MED24: variants seen among roughly 807,000 people sequenced by gnomAD.
MED24 encodes the protein mediator of RNA polymerase II transcription subunit 24.
MED24 carries 74 observed loss-of-function variants against 118.8 expected under a neutral mutation model. The observed-to-expected ratio is 0.62, with a 90% CI of 0.52 to 0.76. MED24 has a LOEUF of 0.76. Ranked by LOEUF, MED24 falls within the 30% of genes least tolerant of loss-of-function variation. The pLI is 0.00. For synonymous variants in MED24, 521 were observed against 523.9 expected (o/e 0.99, Z 0.08); for missense variants, 1,041 against 1,278.9 (o/e 0.81, Z 2.84).
At chr17:40,024,156 A>G (rs566626915) in intron 19 of MED24, among the ~76,000 whole-genome samples, 39 of 152,256 alleles carry the variant, frequency 2.6e-4, no homozygotes, top group African/African-American at 9.4e-4. Context: ...GAAAGGAAAA[A>G]AGGAGGAGGC....
At chr17:40,022,281 G>T in intron 22 of MED24, 113 bp downstream of exon 22, 1 of 1,171,530 alleles carries the variant, frequency 8.5e-7, no homozygotes, top group Non-Finnish European at 1.2e-6. Context: ...CCCAGGCACA[G>T]CTGCCCCAAG....
intron 13 of MED24, 84 bp downstream of exon 13, chr17:40,029,664 G>C (rs1983138745): frequency 7.9e-7 from 1 of 1,265,898 alleles, no homozygotes; most frequent in Non-Finnish European, 1.1e-6. Flanking sequence ...GAGGTCTGTG[G>C]CCTCTGTTTA....
chr17:40,029,457 C>T (rs1157024768), intron 13 of MED24, among the ~76,000 whole-genome samples: 1 of 152,166 alleles, frequency 6.6e-6, no homozygotes, highest in African/African-American at 2.4e-5. Flanking sequence ...CTCAGCCTCC[C>T]AAAATGCTGG....
chr17:40,031,994 C>G (rs1216284047), intron 10 of MED24, 49 bp downstream of exon 10: 1 of 1,590,422 alleles, frequency 6.3e-7, no homozygotes. Flanking sequence ...GGACCCTCCC[C>G]TTTGCCCTTA....
At chr17:40,040,588 C>A (rs1415842345) in intron 3 of MED24, among the ~76,000 whole-genome samples, 1 of 151,538 alleles carries the variant, frequency 6.6e-6, no homozygotes. Flanking sequence ...TGCTACTCTT[C>A]ACACATATAA....
Position 40,053,375 on chromosome 17 carries a change from A to T in MED24, c.136T>A (p.Leu46Ile). The change falls in exon 3 of 26, where the codon TTA becomes ATA. Residue 46 changes from leucine to isoleucine, a missense_variant. This residue lies in a region of MED24 where 434 missense variants were observed against 514.9 expected (regional missense o/e 0.84). Coordinates refer to ENST00000394128, the MANE Select transcript of MED24 (RefSeq NM_014815.4). ...TWDILNLADA[L>I]LEQAMIGPSP... Reference sequence around the variant, plus strand: ...GGTCCAATCATGGCCTGCTCTAGTAACGCATCTGCAAGAGGAATAGCAAAA... The same window carrying T: ...GGTCCAATCATGGCCTGCTCTAGTATCGCATCTGCAAGAGGAATAGCAAAA... 6.2e-7 allele frequency: 1 copy of T among 1,613,286 alleles called. No homozygotes were observed. The highest frequency in any genetic ancestry group is 8.5e-7 in the Non-Finnish European group (1 of 1,179,416).
Position 40,031,477 on chromosome 17 carries a change from G to A in MED24, c.1067+61C>T. ...TCCCCTGAGGCTTCTCTGGCACAGA[G>A]ATCAGGGGAAGAGCCCAGAACGCCT... On this transcript the variant is annotated intron_variant, in intron 11 of 25. Transcript: ENST00000394128. 2.7e-6 allele frequency: 4 copies of A among 1,499,644 alleles called. No homozygotes were observed. In the South Asian group the frequency reaches 4.6e-5, roughly 17 times the overall value. The allele number at this position is 1,499,644 out of a possible 1,614,324, so 92.9% of individuals were successfully genotyped here. A position where few individuals can be genotyped will look rare whatever the true frequency, so the allele number is the denominator to read the frequency against.
In MED24 at chr17:40,033,371, G is replaced by A. The variant is rs370550827; in HGVS notation, c.645C>T (p.Ala215=). 3.8e-5 allele frequency: 62 copies of A among 1,612,818 alleles called. No individual in the cohort carries two copies. Among genetic ancestry groups the A allele is most frequent in the South Asian group, 1.2e-4 (11 of 90,848 alleles). The change falls in exon 7 of 26, where the codon GCC becomes GCT. Residue 215 remains alanine (A), a synonymous_variant. Coordinates refer to ENST00000394128, the MANE Select transcript of MED24 (RefSeq NM_014815.4). This position sits in a 1 kb window ranked among gnomAD's most constrained non-coding sequence, Gnocchi z 5.2. ...NLSNPQLRSQ[A]EQCGTLIRSI... is the part of the protein sequence containing the mutation. ...TCCTAATGAGGGTGCCACACTGCTC[G>A]GCCTGACTCCGGAGCTGCGGGTTGC...
chr17:40,043,488 G>A (rs1264393690), intron 3 of MED24, among the ~76,000 whole-genome samples: 2 of 152,132 alleles, frequency 1.3e-5, no homozygotes, highest in Non-Finnish European at 2.9e-5. Context: ...AGAACCGCCT[G>A]TAATTTTTTT....
At chr17:40,044,167 A>G (rs538112091) in intron 3 of MED24, among the ~76,000 whole-genome samples, 164 of 147,628 alleles carry the variant, frequency 1.1e-3, no homozygotes, top group African/African-American at 3.8e-3. Flanking sequence ...AAAAAAAAAT[A>G]GAAAAATAGG....
At chr17:40,042,546 A>G (rs931018446) in intron 3 of MED24, among the ~76,000 whole-genome samples, 2 of 152,100 alleles carry the variant, frequency 1.3e-5, no homozygotes, top group African/African-American at 4.8e-5. Context: ...GGTGGTGGGC[A>G]TCTATAATCC....
In MED24 at chr17:40,053,464, G is replaced by A. The variant is rs2145013505; in HGVS notation, c.130+5C>T. 6.2e-7 allele frequency: 1 copy of A among 1,614,104 alleles called. No homozygotes were observed. The highest frequency in any genetic ancestry group is 8.5e-7 in the Non-Finnish European group (1 of 1,180,002). ...CCCATCTTTCTTTCCCAGTTCACTT[G>A]AGACCTGCCAGGTTGAGAATATCCC... is the stretch of plus-strand genomic sequence containing the variant. On this transcript the variant is annotated splice_donor_5th_base_variant and intron_variant, in intron 2 of 25. Coordinates refer to ENST00000394128, the MANE Select transcript of MED24 (RefSeq NM_014815.4).
intron 3 of MED24, among the ~76,000 whole-genome samples, chr17:40,046,377 G>A (rs1407850245): frequency 2.7e-5 from 4 of 147,634 alleles, no homozygotes; most frequent in Non-Finnish European, 4.4e-5. Flanking sequence ...GATCCACTGC[G>A]CCCAGCCTAA....
chr17:40,027,190 C>T, intron 16 of MED24, 156 bp from the exon 17 acceptor site: 1 of 1,110,980 alleles, frequency 9.0e-7, no homozygotes, highest in East Asian at 2.6e-5. Flanking sequence ...GGGGGCAATG[C>T]TGCCACCTAG....
In MED24 at chr17:40,029,040, A is replaced by AT. The variant is rs781545839; in HGVS notation, c.1267-73dup. 1.8e-5 allele frequency: 28 copies of AT among 1,590,228 alleles called. No homozygotes were observed. In the African/African-American group the frequency reaches 3.8e-4, roughly 21 times the overall value. ...CCCACCCAAGATACAGCCTAGCCAC[A>AT]TTTTCTCTCTTCACAACCTGGAATG... On this transcript the variant is annotated intron_variant, in intron 13 of 25. Coordinates refer to ENST00000394128, the MANE Select transcript of MED24 (RefSeq NM_014815.4).
chr17:40,040,932 A>G (rs1450527042), intron 3 of MED24, among the ~76,000 whole-genome samples: 1 of 151,606 alleles, frequency 6.6e-6, no homozygotes, highest in Non-Finnish European at 1.5e-5. Flanking sequence ...TTACTTTTTT[A>G]GTAGAGATAG....
chr17:40,028,105 TTG>T, intron 14 of MED24, 159 bp from the exon 15 acceptor site: 2 of 751,058 alleles, frequency 2.7e-6, no homozygotes, highest in Non-Finnish European at 2.2e-6. Context: ...TTTGTGGTTT[TTG>T]TTTTTTGTTT....
chr17:40,029,966 C>T (rs1375068321), intron 12 of MED24, 107 bp from the exon 13 acceptor site: 1 of 927,404 alleles, frequency 1.1e-6, no homozygotes, highest in Non-Finnish European at 1.7e-6. Flanking sequence ...AGGTGGGAAG[C>T]ATGTAAGAAC....
intron 6 of MED24, chr17:40,034,894 TACA>T (rs1179653735): frequency 1.9e-5 from 14 of 729,904 alleles, no homozygotes; most frequent in Admixed American, 5.1e-5. Flanking sequence ...GTGCTGGGTA[TACA>T]ACAATGCTCA....
Sources: allele counts gnomAD v4.1 joint callset (sites outside exome capture counted in the v4.1 genomes callset), GRCh38; gene constraint gnomAD v4.1.1; regional missense constraint gnomAD v4.1.1; non-coding constraint Gnocchi (gnomAD v3.1); transcripts MANE v1.5; gene names NCBI Gene and HGNC (gene_info 2026-07-23, HGNC 2026-07-21).